Variants in TBC1D19 observed in about 807,000 individuals in gnomAD.
TBC1D19 encodes the protein TBC1 domain family member 19, also known as TBC1 domain family, member 19.
In TBC1D19, 60 loss-of-function variants were observed where a neutral mutation model predicts 89.0. The observed-to-expected ratio is 0.67, with a 90% confidence interval of 0.55 to 0.84. The LOEUF (loss-of-function observed/expected upper bound fraction) is 0.84, where lower values mean the gene tolerates loss of function less well. Among genes scored for constraint, TBC1D19 ranks in the 40% least tolerant of loss-of-function variants. The pLI is 0.00. For missense variants in TBC1D19, 500 were observed against 610.8 expected (o/e 0.82, Z 1.91); for synonymous variants, 189 against 199.7 (o/e 0.95, Z 0.45).
intron 7 of TBC1D19, among the ~76,000 whole-genome samples, chr4:26,655,228 T>C (rs1744707806): frequency 6.6e-6 from 1 of 152,202 alleles, no homozygotes; most frequent in African/African-American, 2.4e-5. Context: ...ATCGTTCCTC[T>C]GGAAGTTTTG....
At chr4:26,615,863 G>T (rs1187006131) in intron 3 of TBC1D19, among the ~76,000 whole-genome samples, 1 of 152,054 alleles carries the variant, frequency 6.6e-6, no homozygotes, top group Non-Finnish European at 1.5e-5. Context: ...TGTACTAAAG[G>T]TGCCTGTTGT....
At chr4:26,687,087 AC>A (rs1473827353) in intron 12 of TBC1D19, among the ~76,000 whole-genome samples, 1 of 152,080 alleles carries the variant, frequency 6.6e-6, no homozygotes, top group African/African-American at 2.4e-5. Flanking sequence ...ATCAATCAGT[AC>A]TTGTTGAATT....
At chr4:26,801,205 C>G in the TBC1D19 span, among the ~76,000 whole-genome samples, 1 of 152,084 alleles carries the variant, frequency 6.6e-6, no homozygotes, top group Admixed American at 6.5e-5. Flanking sequence ...GGAAGGGATC[C>G]AGTTTCAGCT....
At chr4:26,699,134 C>T (rs1245320832) in intron 13 of TBC1D19, among the ~76,000 whole-genome samples, 5 of 152,148 alleles carry the variant, frequency 3.3e-5, no homozygotes, top group Non-Finnish European at 4.4e-5. Flanking sequence ...GGCTAACATC[C>T]AGAATCTACA....
At chr4:26,585,158 C>T (rs1560395880) in intron 1 of TBC1D19, 1 of 445,136 alleles carries the variant, frequency 2.2e-6, no homozygotes, top group Non-Finnish European at 4.5e-6. Flanking sequence ...GGATAAATAC[C>T]TAGGATTGGA....
At chr4:26,742,357 T>C in intron 17 of TBC1D19, 151 bp from the exon 18 acceptor site, 1 of 566,692 alleles carries the variant, frequency 1.8e-6, no homozygotes, top group Non-Finnish European at 2.9e-6. Flanking sequence ...TGTTAGAGAT[T>C]CTTTAATACA....
chr4:26,626,863 TTTTA>T (rs1486104140), intron 4 of TBC1D19, among the ~76,000 whole-genome samples: 4 of 148,976 alleles, frequency 2.7e-5, no homozygotes, highest in Admixed American at 6.7e-5. Flanking sequence ...TTATTTTTAT[TTTTA>T]TTTATTTTAT....
upstream of TBC1D19, among the ~76,000 whole-genome samples, chr4:26,581,064 T>C (rs910473862): frequency 6.6e-6 from 1 of 152,166 alleles, no homozygotes; most frequent in African/African-American, 2.4e-5. Context: ...CTGTTTTAAT[T>C]TTGTCTCTCT....
intron 13 of TBC1D19, among the ~76,000 whole-genome samples, chr4:26,717,542 C>T (rs1716709356): frequency 1.3e-5 from 2 of 152,072 alleles, no homozygotes; most frequent in Non-Finnish European, 2.9e-5. Context: ...CTGCGTGATG[C>T]ATCCCAGTAT....
chr4:26,836,468 G>A, the TBC1D19 span, among the ~76,000 whole-genome samples: 31 of 152,322 alleles, frequency 2.0e-4, no homozygotes, highest in East Asian at 5.8e-3. Flanking sequence ...AATATGTAGT[G>A]TTTGTACTGG....
intron 13 of TBC1D19, among the ~76,000 whole-genome samples, chr4:26,697,452 A>T (rs998072000): frequency 6.6e-6 from 1 of 152,204 alleles, no homozygotes; most frequent in Non-Finnish European, 1.5e-5. Context: ...AGCTGGTACC[A>T]TTCCTTCTGA....
intron 5 of TBC1D19, among the ~76,000 whole-genome samples, chr4:26,638,141 G>C (rs1743253146): frequency 6.7e-6 from 1 of 148,432 alleles, no homozygotes; most frequent in Non-Finnish European, 1.5e-5. Flanking sequence ...AAAAACACTT[G>C]AGGGATGTTC....
At chr4:26,774,639 G>A in the TBC1D19 span, among the ~76,000 whole-genome samples, 1 of 152,070 alleles carries the variant, frequency 6.6e-6, no homozygotes, top group Non-Finnish European at 1.5e-5. Flanking sequence ...TTTGTATATT[G>A]ATCTTATAAC....
chr4:26,765,606 C>T, the TBC1D19 span, among the ~76,000 whole-genome samples: 1 of 152,098 alleles, frequency 6.6e-6, no homozygotes, highest in African/African-American at 2.4e-5. Flanking sequence ...TGAACCGTCT[C>T]CTCAGAGGTG....
rs146129620 is a variant in TBC1D19 at position 26,612,836 on chromosome 4, A to G, written c.100-333A>G. Reference sequence around the variant, plus strand: ...AGGTGCCATATATATTTAATATAATATCAAGGCAATGAATTTATAAAATCT... The same window carrying G: ...AGGTGCCATATATATTTAATATAATGTCAAGGCAATGAATTTATAAAATCT... On this transcript the variant is annotated intron_variant, in intron 1 of 20. Transcript: ENST00000264866. Among the ~76,000 whole-genome samples, 573 of 152,206 alleles carry G rather than the reference A, an allele frequency of 3.8e-3. 2 individuals carry two copies. The highest frequency in any genetic ancestry group is 6.8e-3 in the Middle Eastern group (2 of 294).
chr4:26,771,466 A>G, the TBC1D19 span, among the ~76,000 whole-genome samples: 1 of 152,236 alleles, frequency 6.6e-6, no homozygotes. Context: ...TGGTATATAC[A>G]TACAATGGAA....
At chr4:26,664,328 A>T (rs540835396) in intron 8 of TBC1D19, among the ~76,000 whole-genome samples, 31 of 152,268 alleles carry the variant, frequency 2.0e-4, no homozygotes, top group African/African-American at 7.5e-4. Context: ...ACATTGAGTT[A>T]AAAATAGTCC....
intron 18 of TBC1D19, among the ~76,000 whole-genome samples, chr4:26,743,190 C>A (rs1408599542): frequency 6.6e-6 from 1 of 152,038 alleles, no homozygotes; most frequent in Non-Finnish European, 1.5e-5. Context: ...ATGTCTAAAG[C>A]AAGAGAACTT....
At chr4:26,666,843 T>G (rs1041326956) in intron 9 of TBC1D19, among the ~76,000 whole-genome samples, 2 of 152,006 alleles carry the variant, frequency 1.3e-5, no homozygotes, top group Admixed American at 6.6e-5. Flanking sequence ...TGTGCATAAA[T>G]TCAATATACT....
Sources: gnomAD v4.1 joint callset for allele counts (sites outside exome capture counted in the v4.1 genomes callset) on GRCh38, gnomAD v4.1.1 for gene constraint, MANE v1.5 for transcripts, NCBI Gene and HGNC (gene_info 2026-07-23, HGNC 2026-07-21) for gene names.